WWOX: variants seen among roughly 807,000 people sequenced by gnomAD.
WWOX encodes WW domain-containing oxidoreductase.
WWOX carries 69 observed loss-of-function variants against 46.2 expected under a neutral mutation model. The ratio of observed to expected loss-of-function variants is 1.49; its 90% confidence interval spans 1.23 to 1.82. The LOEUF (loss-of-function observed/expected upper bound fraction) is 1.82, where lower values mean the gene tolerates loss of function less well. Among genes scored for constraint, WWOX ranks in the 40% most tolerant of loss-of-function variants. The pLI is 0.00. For missense variants in WWOX, 919 were observed against 542.6 expected (o/e 1.69, Z -6.89); for synonymous variants, 359 against 202.6 (o/e 1.77, Z -6.56).
chr16:78,448,789 T>C (rs758044138), intron 8 of WWOX, among the ~76,000 whole-genome samples: 18 of 152,306 alleles, frequency 1.2e-4, no homozygotes, highest in Non-Finnish European at 2.1e-4. Flanking sequence ...AACCAGAGTG[T>C]TGCCTTCCTT....
intron 8 of WWOX, among the ~76,000 whole-genome samples, chr16:78,862,117 T>C (rs536214454): frequency 7.3e-5 from 10 of 137,512 alleles, no homozygotes; most frequent in Non-Finnish European, 1.4e-4. Context: ...CACACACCTA[T>C]GGGTGTGTCT....
intron 5 of WWOX, among the ~76,000 whole-genome samples, chr16:78,197,894 C>G (rs534914456): frequency 4.2e-4 from 64 of 152,294 alleles, no homozygotes; most frequent in South Asian, 1.0e-3. Context: ...TCATTGGAAA[C>G]TGACTAGGTC....
intron 8 of WWOX, among the ~76,000 whole-genome samples, chr16:78,940,574 G>A (rs2045831708): frequency 6.6e-6 from 1 of 152,058 alleles, no homozygotes; most frequent in African/African-American, 2.4e-5. Context: ...TACCTGAGTG[G>A]GGGTATATAG....
intron 5 of WWOX, among the ~76,000 whole-genome samples, chr16:78,357,026 A>G (rs1422268101): frequency 1.3e-5 from 2 of 152,134 alleles, no homozygotes; most frequent in Non-Finnish European, 2.9e-5. Flanking sequence ...GCATTTGCTG[A>G]CATCCATTTA....
intron 8 of WWOX, among the ~76,000 whole-genome samples, chr16:78,464,889 G>A (rs905560414): frequency 1.3e-5 from 2 of 152,138 alleles, no homozygotes; most frequent in Non-Finnish European, 1.5e-5. Flanking sequence ...AGAAATACCC[G>A]AGACTGGGTA....
chr16:78,866,154 T>A (rs1032539231), intron 8 of WWOX, among the ~76,000 whole-genome samples: 7 of 152,308 alleles, frequency 4.6e-5, no homozygotes, highest in African/African-American at 1.7e-4. Flanking sequence ...ATCTAGCTCC[T>A]GGGCTAACTT....
Position 78,483,482 on chromosome 16 carries a change from T to C in WWOX, c.1056+50730T>C, listed in dbSNP as rs146898191. 9.9e-5 allele frequency among the ~76,000 whole-genome samples: 15 copies of C among 150,804 alleles called. No individual in the cohort carries two copies. The East Asian group carries it at 3.0e-3, about 30-fold the overall frequency. On this transcript the variant is annotated intron_variant, in intron 8 of 8. Transcript: ENST00000566780. Reference sequence around the variant, plus strand: ...CTTTAGCAAAGGAAGTAAGTGACACTGATCGGTGAAGGCAGACAGTAAGAT... The same window carrying C: ...CTTTAGCAAAGGAAGTAAGTGACACCGATCGGTGAAGGCAGACAGTAAGAT...
At chr16:79,189,633 C>G (rs975226800) in intron 8 of WWOX, among the ~76,000 whole-genome samples, 1 of 151,972 alleles carries the variant, frequency 6.6e-6, no homozygotes, top group Admixed American at 6.6e-5. Flanking sequence ...ATAATTATTT[C>G]TAGTAATTTC....
At chr16:79,016,815 C>G (rs1341202149) in intron 8 of WWOX, 1 of 152,282 alleles carries the variant, frequency 6.6e-6, no homozygotes, top group Non-Finnish European at 1.5e-5. Context: ...ACCTCAACTA[C>G]TGCTTTTTAA....
intron 8 of WWOX, among the ~76,000 whole-genome samples, chr16:78,788,554 T>C (rs1439228186): frequency 1.3e-5 from 2 of 151,840 alleles, no homozygotes; most frequent in Non-Finnish European, 2.9e-5. Flanking sequence ...GACAAGGAGG[T>C]TCCTGGAGCG....
At chr16:78,590,738 G>T (rs1346668339) in intron 8 of WWOX, among the ~76,000 whole-genome samples, 1 of 152,132 alleles carries the variant, frequency 6.6e-6, no homozygotes, top group Non-Finnish European at 1.5e-5. Context: ...TTGCAAGGTC[G>T]GGTAGATGGG....
intron 8 of WWOX, among the ~76,000 whole-genome samples, chr16:79,107,151 G>C (rs888309781): frequency 6.6e-6 from 1 of 152,116 alleles, no homozygotes; most frequent in African/African-American, 2.4e-5. Flanking sequence ...ATGTTGCCCA[G>C]GTTGGTCTTC....
At chr16:78,260,936 C>CAAAAA (rs35410839) in intron 5 of WWOX, among the ~76,000 whole-genome samples, 1 of 63,038 alleles carries the variant, frequency 1.6e-5, no homozygotes, top group Non-Finnish European at 3.6e-5. Flanking sequence ...GACTCCATCT[C>CAAAAA]AAAAAAAAAA....
At chr16:78,529,881 A>C (rs760337624) in intron 8 of WWOX, among the ~76,000 whole-genome samples, 1 of 152,222 alleles carries the variant, frequency 6.6e-6, no homozygotes, top group Non-Finnish European at 1.5e-5. Context: ...CAAAAATAAC[A>C]GGTAATGCTA....
chr16:78,174,495 C>G (rs940685988), intron 5 of WWOX, among the ~76,000 whole-genome samples: 1 of 152,232 alleles, frequency 6.6e-6, no homozygotes, highest in Non-Finnish European at 1.5e-5. Flanking sequence ...ATTCAATTCA[C>G]AGCATTCTAC....
chr16:78,308,799 G>T (rs2080180648), intron 5 of WWOX, among the ~76,000 whole-genome samples: 1 of 152,144 alleles, frequency 6.6e-6, no homozygotes, highest in Non-Finnish European at 1.5e-5. Flanking sequence ...TCTTAACCCA[G>T]ATAGTCCTTT....
At chr16:78,282,775 G>T (rs1210500386) in intron 5 of WWOX, among the ~76,000 whole-genome samples, 2 of 151,314 alleles carry the variant, frequency 1.3e-5, no homozygotes, top group African/African-American at 4.9e-5. Context: ...TTACTCAGGA[G>T]GCTGAGCCAG....
intron 8 of WWOX, among the ~76,000 whole-genome samples, chr16:78,664,171 A>G (rs113904811): frequency 0.012 from 1,881 of 152,306 alleles, 20 homozygotes; most frequent in Middle Eastern, 0.041. Context: ...CCAGGTGACA[A>G]TAATGGAGAT....
intron 6 of WWOX, among the ~76,000 whole-genome samples, chr16:78,394,444 GTGTAT>G (rs2082243754): frequency 1.0e-5 from 1 of 98,808 alleles, no homozygotes; most frequent in Admixed American, 1.2e-4. Context: ...GAAATACTTA[GTGTAT>G]CTAGAAACAT....
Sources: gnomAD v4.1 joint callset for allele counts (sites outside exome capture counted in the v4.1 genomes callset) on GRCh38, gnomAD v4.1.1 for gene constraint, MANE v1.5 for transcripts, NCBI Gene and HGNC (gene_info 2026-07-23, HGNC 2026-07-21) for gene names.